The following ROBO1 variants were observed in gnomAD, a reference collection of about 807,000 sequenced individuals.
The protein encoded by ROBO1 is roundabout guidance receptor 1.
A neutral mutation model predicts 195.9 loss-of-function variants in ROBO1; 149 were observed. The ratio of observed to expected loss-of-function variants is 0.76; its 90% confidence interval spans 0.67 to 0.87. The LOEUF is 0.87. Ranked by LOEUF, ROBO1 falls within the 40% of genes least tolerant of loss-of-function variation. ROBO1 has a pLI of 0.00. For synonymous variants in ROBO1, 816 were observed against 733.2 expected (o/e 1.11, Z -1.82); for missense variants, 1,933 against 2,068.3 (o/e 0.93, Z 1.27).
intron 2 of ROBO1, among the ~76,000 whole-genome samples, chr3:79,424,236 C>G (rs1055309995): frequency 6.6e-6 from 1 of 152,064 alleles, no homozygotes; most frequent in African/African-American, 2.4e-5. Context: ...GACTGAGGCA[C>G]TCAGCTCTGA....
intron 4 of ROBO1, among the ~76,000 whole-genome samples, chr3:78,857,227 T>C (rs969497983): frequency 1.3e-5 from 2 of 152,194 alleles, no homozygotes; most frequent in African/African-American, 4.8e-5. Flanking sequence ...TGAAAATGTC[T>C]ACATAAAAAA....
intron 1 of ROBO1, among the ~76,000 whole-genome samples, chr3:79,666,740 T>C (rs1946486959): frequency 6.6e-6 from 1 of 151,966 alleles, no homozygotes; most frequent in Non-Finnish European, 1.5e-5. Context: ...TCTTTATAAA[T>C]TACCCATTCT....
intron 2 of ROBO1, among the ~76,000 whole-genome samples, chr3:79,251,638 C>T (rs1384488020): frequency 1.3e-5 from 2 of 152,146 alleles, no homozygotes; most frequent in Non-Finnish European, 2.9e-5. Flanking sequence ...GCAGTCCCAG[C>T]TACTCGGGAG....
At chr3:79,215,824 A>G (rs2082046982) in intron 2 of ROBO1, among the ~76,000 whole-genome samples, 1 of 152,208 alleles carries the variant, frequency 6.6e-6, no homozygotes, top group South Asian at 2.1e-4. Context: ...AATGCCATAA[A>G]TGGGAAAGAC....
At chr3:79,104,265 T>A (rs1302990434) in intron 3 of ROBO1, among the ~76,000 whole-genome samples, 1 of 151,838 alleles carries the variant, frequency 6.6e-6, no homozygotes, top group Non-Finnish European at 1.5e-5. Context: ...AATAGGCAAT[T>A]TAAAAATGTG....
chr3:78,740,963 A>G (rs1466255322), intron 5 of ROBO1, among the ~76,000 whole-genome samples: 1 of 152,190 alleles, frequency 6.6e-6, no homozygotes, highest in Non-Finnish European at 1.5e-5. Flanking sequence ...CTACTTGTCA[A>G]TTAGCAGATC....
At chr3:78,853,473 G>GTGTA (rs1553748390) in intron 4 of ROBO1, among the ~76,000 whole-genome samples, 1 of 148,110 alleles carries the variant, frequency 6.8e-6, no homozygotes, top group African/African-American at 2.5e-5. Flanking sequence ...GTGTGTGTGT[G>GTGTA]TGTATGTATG....
intron 3 of ROBO1, among the ~76,000 whole-genome samples, chr3:79,094,510 T>C (rs1448046850): frequency 6.6e-6 from 1 of 152,108 alleles, no homozygotes; most frequent in Non-Finnish European, 1.5e-5. Context: ...AAATTAGAAG[T>C]CTATGAATTT....
rs899283278 is a variant in ROBO1, at chr3:78,597,690, T to G, written c.*1223A>C. ...AGAGATTTTAAGGAAATCTTGTAGGTTTCGACATTGGCCACAACAAACTTA... is the reference window on the plus strand; with the variant it reads ...AGAGATTTTAAGGAAATCTTGTAGGGTTCGACATTGGCCACAACAAACTTA... On this transcript the variant is annotated 3_prime_UTR_variant, in exon 31 of 31. Coordinates refer to ENST00000464233, the MANE Select transcript of ROBO1 (RefSeq NM_002941.4). 5 of 152,306 alleles carry G rather than the reference T, an allele frequency of 3.3e-5. No individual in the cohort carries two copies. Among genetic ancestry groups the G allele is most frequent in the African/African-American group, 1.2e-4 (5 of 41,416 alleles). 9.4% of individuals were successfully genotyped at this position (152,306 alleles called of 1,614,324 possible). A position where few individuals can be genotyped will look rare whatever the true frequency, so the allele number is the denominator to read the frequency against.
intron 2 of ROBO1, among the ~76,000 whole-genome samples, chr3:79,567,623 A>G (rs1270470764): frequency 6.6e-6 from 1 of 152,044 alleles, no homozygotes; most frequent in Non-Finnish European, 1.5e-5. Context: ...TTTTCTTGTC[A>G]CTAATTTAGA....
chr3:78,648,516 C>T (rs890793890), intron 19 of ROBO1, among the ~76,000 whole-genome samples: 3 of 151,840 alleles, frequency 2.0e-5, no homozygotes, highest in Non-Finnish European at 4.4e-5. Flanking sequence ...GAAATTGAAC[C>T]GCAGACCTCA....
At chr3:78,856,192 C>G (rs1471225066) in intron 4 of ROBO1, among the ~76,000 whole-genome samples, 1 of 149,516 alleles carries the variant, frequency 6.7e-6, no homozygotes, top group Non-Finnish European at 1.5e-5. Context: ...ATCTGTATTA[C>G]TGTTTCTAGG....
chr3:79,750,894 G>A (rs556137430), intron 1 of ROBO1, among the ~76,000 whole-genome samples: 2 of 152,178 alleles, frequency 1.3e-5, no homozygotes, highest in Non-Finnish European at 2.9e-5. Context: ...TCACTTGCAG[G>A]TATTATGAAG....
At chr3:78,824,941 T>A (rs904310198) in intron 4 of ROBO1, among the ~76,000 whole-genome samples, 1 of 152,210 alleles carries the variant, frequency 6.6e-6, no homozygotes, top group African/African-American at 2.4e-5. Context: ...TGAAAATAAG[T>A]CTTCCTTCAC....
At chr3:79,632,649 C>T (rs4856292) in intron 1 of ROBO1, among the ~76,000 whole-genome samples, 138,342 of 152,192 alleles carry the variant, frequency 0.91, 63,052 homozygotes, top group African/African-American at 0.97. Context: ...AAATGGATCA[C>T]AGAAGCAAAT....
At chr3:79,088,917 T>C (rs1385381592) in intron 3 of ROBO1, among the ~76,000 whole-genome samples, 3 of 152,218 alleles carry the variant, frequency 2.0e-5, no homozygotes, top group South Asian at 4.1e-4. Context: ...GAGAAGTTAA[T>C]TTGGCAATAT....
chr3:79,687,666 T>C (rs965122781), intron 1 of ROBO1, among the ~76,000 whole-genome samples: 5 of 152,042 alleles, frequency 3.3e-5, no homozygotes, highest in African/African-American at 1.2e-4. Context: ...AAAACCACAA[T>C]GAGATACCAT....
At chr3:78,681,461 G>C (rs957383822) in intron 10 of ROBO1, among the ~76,000 whole-genome samples, 2 of 152,120 alleles carry the variant, frequency 1.3e-5, no homozygotes, top group African/African-American at 4.8e-5. Flanking sequence ...GAAGAACATA[G>C]GAAAATAAAC....
intron 1 of ROBO1, among the ~76,000 whole-genome samples, chr3:79,614,215 A>G (rs1033724780): frequency 3.9e-5 from 6 of 152,084 alleles, no homozygotes; most frequent in Non-Finnish European, 7.4e-5. Context: ...TCAACTACAC[A>G]TGACACATTC....
Sources: gnomAD v4.1 joint callset for allele counts (sites outside exome capture counted in the v4.1 genomes callset) on GRCh38, gnomAD v4.1.1 for gene constraint, MANE v1.5 for transcripts, NCBI Gene and HGNC (gene_info 2026-07-23, HGNC 2026-07-21) for gene names.